The following LAMA3 variants were observed in gnomAD, a reference collection of about 807,000 sequenced individuals.
The protein encoded by LAMA3 is laminin subunit alpha-3.
LAMA3 carries 281 observed loss-of-function variants against 402.0 expected under a neutral mutation model. That is an observed-to-expected ratio of 0.70 (90% CI 0.63 to 0.77). The LOEUF is 0.77. Among genes scored for constraint, LAMA3 ranks in the 30% least tolerant of loss-of-function variants. LAMA3 has a pLI of 0.00. For missense variants in LAMA3, 3,840 were observed against 4,215.5 expected (o/e 0.91, Z 2.47); for synonymous variants, 1,431 against 1,558.4 (o/e 0.92, Z 1.93).
chr18:23,721,941 G>A (rs1444925707), intron 2 of LAMA3, among the ~76,000 whole-genome samples: 1 of 152,152 alleles, frequency 6.6e-6, no homozygotes, highest in African/African-American at 2.4e-5. Flanking sequence ...TACTACCAGC[G>A]CAAAACAAAG....
chr18:23,926,725 A>T (rs1169913520), intron 62 of LAMA3, among the ~76,000 whole-genome samples: 1 of 152,208 alleles, frequency 6.6e-6, no homozygotes, highest in African/African-American at 2.4e-5. Flanking sequence ...CAGTTAGTTC[A>T]TGTGTGTGAA....
intron 41 of LAMA3, among the ~76,000 whole-genome samples, chr18:23,889,583 A>T (rs1428025729): frequency 6.6e-6 from 1 of 150,482 alleles, no homozygotes; most frequent in Admixed American, 6.7e-5. Context: ...GAAAGAAAGA[A>T]AAGAGAGAAA....
chr18:23,902,781 C>T lies in LAMA3; in HGVS notation c.6202-228C>T, dbSNP rs114552636. The stretch of plus-strand genomic sequence containing the variant: ...CCCCTACTGTAGAAACCTTCTTCAG[C>T]AGTGATAGCAATTGTTTCATTGGCA... On this transcript the variant is annotated intron_variant, in intron 48 of 74. Coordinates refer to ENST00000313654, the MANE Select transcript of LAMA3 (RefSeq NM_198129.4). 1.6e-3 allele frequency among the ~76,000 whole-genome samples: 245 copies of T among 152,348 alleles called. 1 individual carries two copies. Among genetic ancestry groups the T allele is most frequent in the African/African-American group, 5.6e-3 (234 of 41,578 alleles).
intron 34 of LAMA3, 57 bp from the exon 35 acceptor site, chr18:23,861,589 C>T (rs2064222603): frequency 1.9e-6 from 3 of 1,598,412 alleles, no homozygotes; most frequent in South Asian, 2.2e-5. Flanking sequence ...GCACCCATCA[C>T]CCCAGGGATG....
At chr18:23,899,203 A>G in intron 46 of LAMA3, 85 bp from the exon 47 acceptor site, 1 of 1,343,388 alleles carries the variant, frequency 7.4e-7, no homozygotes, top group East Asian at 2.4e-5. Flanking sequence ...TAAAATCTCC[A>G]TAGAAGTTTC....
At chr18:23,773,785 T>A (rs2062254769) in intron 9 of LAMA3, among the ~76,000 whole-genome samples, 198 bp downstream of exon 9, 1 of 152,238 alleles carries the variant, frequency 6.6e-6, no homozygotes, top group Non-Finnish European at 1.5e-5. Context: ...GAAATGATAA[T>A]GTATTTCATA....
intron 62 of LAMA3, among the ~76,000 whole-genome samples, chr18:23,926,790 T>G (rs2082015212): frequency 6.6e-6 from 1 of 152,206 alleles, no homozygotes; most frequent in African/African-American, 2.4e-5. Flanking sequence ...GAAGGGGAAA[T>G]GCCCTGGGGC....
chr18:23,924,543 C>CTTTTTTTTT (rs66546657), intron 62 of LAMA3, among the ~76,000 whole-genome samples: 1 of 89,108 alleles, frequency 1.1e-5, no homozygotes, highest in Non-Finnish European at 2.6e-5. Context: ...CTTTTTTTTT[C>CTTTTTTTTT]TTTTTTTTTT....
chr18:23,699,024 TAGAGAGAGAGAGAG>T (rs34691495), intron 1 of LAMA3, among the ~76,000 whole-genome samples: 6 of 142,576 alleles, frequency 4.2e-5, no homozygotes, highest in East Asian at 2.1e-4. Context: ...GGCGGGCAGA[TAGAGAGAGAGAGAG>T]AGAGAGAGAG....
intron 62 of LAMA3, among the ~76,000 whole-genome samples, chr18:23,922,810 G>A (rs1203553279): frequency 1.3e-5 from 2 of 152,190 alleles, no homozygotes; most frequent in African/African-American, 4.8e-5. Context: ...ATGTTTGAGA[G>A]TTGCCACTTA....
intron 32 of LAMA3, among the ~76,000 whole-genome samples, chr18:23,849,626 C>T (rs1356599429): frequency 6.6e-6 from 1 of 152,158 alleles, no homozygotes; most frequent in African/African-American, 2.4e-5. Flanking sequence ...GGATTTACTG[C>T]AGTATTTTAT....
rs746585608 is a variant in LAMA3, at chr18:23,903,069, G to A, written c.6262G>A (p.Asp2088Asn). The change falls in exon 49 of 75, where the codon GAC becomes AAC. Residue 2088 changes from aspartate (D) to asparagine (N), a missense_variant. Transcript: ENST00000313654. The stretch of plus-strand genomic sequence containing the variant: ...TTTCACCAAGTATCTAACCACTGCA[G>A]ACTCATCTTTGTTGCAAACCAACAT... ...SDFTKYLTTA[D>N]SSLLQTNIAL... The A allele has an allele frequency of 5.0e-6, 8 of 1,613,456 alleles. No homozygotes were observed. Among genetic ancestry groups the A allele is most frequent in the South Asian group, 1.1e-5 (1 of 91,070 alleles).
At chr18:23,820,285 A>G (rs1841796446) in intron 19 of LAMA3, among the ~76,000 whole-genome samples, 1 of 152,166 alleles carries the variant, frequency 6.6e-6, no homozygotes, top group South Asian at 2.1e-4. Flanking sequence ...ATCTCTGGAG[A>G]CTTTTTATAG....
intron 68 of LAMA3, among the ~76,000 whole-genome samples, chr18:23,943,068 T>C (rs1180758463): frequency 2.6e-5 from 4 of 152,232 alleles, no homozygotes; most frequent in Non-Finnish European, 5.9e-5. Flanking sequence ...AATCACATCC[T>C]TGTTATTCAA....
At position 23,767,578 on chromosome 18, in the gene LAMA3, C is replaced by CTTT. The variant is rs71163640; in HGVS notation, c.1182+4071_1182+4073dup. On this transcript the variant is annotated intron_variant, in intron 8 of 74. Transcript: ENST00000313654. ...ACTTTTTTTCTTTTTTCTTTCTTTT[C>CTTT]TTTTTTTTTTTTTTTTTTAGACAGA... is the stretch of plus-strand genomic sequence containing the variant. 9.5e-3 allele frequency among the ~76,000 whole-genome samples: 1,193 copies of CTTT among 125,754 alleles called. 19 individuals carry two copies. The highest frequency in any genetic ancestry group is 0.062 in the South Asian group (248 of 3,982). 82.5% of individuals were successfully genotyped at this position (125,754 alleles called of 152,430 possible).
At chr18:23,772,861 G>T (rs181562721) in intron 8 of LAMA3, among the ~76,000 whole-genome samples, 2 of 152,362 alleles carry the variant, frequency 1.3e-5, no homozygotes, top group African/African-American at 4.8e-5. Context: ...AACTGATGAT[G>T]CATGTTGGGT....
At chr18:23,755,981 C>G (rs974995059) in intron 6 of LAMA3, among the ~76,000 whole-genome samples, 1 of 152,184 alleles carries the variant, frequency 6.6e-6, no homozygotes, top group Non-Finnish European at 1.5e-5. Flanking sequence ...TTGCTATGCT[C>G]AATTTTAATC....
chr18:23,900,600 CGTTA>C (rs1449328249), intron 47 of LAMA3, among the ~76,000 whole-genome samples: 4 of 152,104 alleles, frequency 2.6e-5, no homozygotes. Flanking sequence ...GAAAATGCCT[CGTTA>C]GTTCAAAACT....
chr18:23,807,944 G>C (rs1017559116), intron 12 of LAMA3, among the ~76,000 whole-genome samples: 1 of 152,176 alleles, frequency 6.6e-6, no homozygotes, highest in East Asian at 1.9e-4. Context: ...GGCCAGCTGG[G>C]ACTATGGGCC....
Sources: gnomAD v4.1 joint callset for allele counts (sites outside exome capture counted in the v4.1 genomes callset) on GRCh38, gnomAD v4.1.1 for gene constraint, MANE v1.5 for transcripts, NCBI Gene and HGNC (gene_info 2026-07-23, HGNC 2026-07-21) for gene names.